The following KTN1 variants were observed in gnomAD, a reference collection of about 807,000 sequenced individuals.
The protein encoded by KTN1 is kinectin.
A neutral mutation model predicts 222.5 loss-of-function variants in KTN1; 130 were observed. The ratio of observed to expected loss-of-function variants is 0.58; its 90% CI spans 0.51 to 0.68. KTN1 has a LOEUF of 0.68. Ranked by LOEUF, KTN1 falls within the 30% of genes least tolerant of loss-of-function variation. The probability of loss-of-function intolerance (pLI) is 0.00; values close to 1 mark genes in which losing one functional copy is unlikely to be tolerated. For missense variants in KTN1, 1,508 were observed against 1,500.4 expected, an observed-to-expected ratio of 1.01 and a Z score of -0.08; for synonymous variants, 512 against 496.3, an observed-to-expected ratio of 1.03 and a Z score of -0.42.
In KTN1 at chr14:55,640,936, G is replaced by A; in HGVS notation, c.1987G>A (p.Ala663Thr). The A allele has an allele frequency of 6.2e-7, 1 of 1,612,080 alleles. No individual in the cohort carries two copies. The highest frequency in any genetic ancestry group is 8.5e-7 in the Non-Finnish European group (1 of 1,178,660). Residue 663 changes from alanine to threonine, a missense_variant, in exon 16 of 44, where the codon GCT becomes ACT. Coordinates refer to ENST00000395314, the MANE Select transcript of KTN1 (RefSeq NM_001079521.2). ...KLQALANEQA[A>T]AAHELEKMQQ... ...TTTCTTCTCATTCCACACACAGGCTGCTGCTGCACATGAATTGGAGAAGAT... is the reference window on the plus strand; with the variant it reads ...TTTCTTCTCATTCCACACACAGGCTACTGCTGCACATGAATTGGAGAAGAT...
chr14:55,609,931 A>T (rs56097264), intron 1 of KTN1, among the ~76,000 whole-genome samples: 1 of 152,168 alleles, frequency 6.6e-6, no homozygotes, highest in Non-Finnish European at 1.5e-5. Context: ...GACGAATCAC[A>T]CTTAATGGAG....
intron 40 of KTN1, chr14:55,673,620 C>CT (rs1023944962): frequency 1.3e-5 from 2 of 159,612 alleles, no homozygotes; most frequent in African/African-American, 4.8e-5. Context: ...TTAATGGGGC[C>CT]TTTTATTTTC....
At chr14:55,617,252 AAGAAG>A (rs1434850114) in intron 3 of KTN1, among the ~76,000 whole-genome samples, 1 of 152,226 alleles carries the variant, frequency 6.6e-6, no homozygotes, top group Non-Finnish European at 1.5e-5. Context: ...TTTTAAATAA[AAGAAG>A]AGACATATAT....
intron 1 of KTN1, among the ~76,000 whole-genome samples, chr14:55,607,090 C>T (rs186114683): frequency 1.2e-4 from 18 of 152,008 alleles, no homozygotes; most frequent in East Asian, 9.6e-4. Context: ...TAATAATTGC[C>T]GCCAGATTTT....
chr14:55,646,383 G>A (rs1038344343), intron 18 of KTN1, among the ~76,000 whole-genome samples: 1 of 151,744 alleles, frequency 6.6e-6, no homozygotes, highest in East Asian at 1.9e-4. Flanking sequence ...AAGAGCCCAT[G>A]TTTGTCTGTC....
chr14:55,633,209 G>A (rs756551903), intron 7 of KTN1, 26 bp from the exon 8 acceptor site: 33 of 1,389,894 alleles, frequency 2.4e-5, no homozygotes, highest in Middle Eastern at 1.8e-4. Context: ...TGTTTTCTAA[G>A]TTTTATGTGT....
rs914502061 is a variant in KTN1, at chr14:55,653,695, A to T, written c.2801+99A>T. On this transcript the variant is annotated intron_variant, in intron 28 of 43. Transcript: ENST00000395314. ...ATGATGAGTTTCCTGTACATCATTA[A>T]CTTTATTGTTAAGTGGAAATTATAA... The T allele has an allele frequency of 8.5e-6, 7 of 819,534 alleles. No homozygotes were observed. In the Admixed American group the frequency reaches 8.9e-5, roughly 10 times the overall value. The allele number at this position is 819,534 out of a possible 1,614,324, so 50.8% of individuals were successfully genotyped here.
chr14:55,642,907 CT>C (rs769637380), intron 18 of KTN1, among the ~76,000 whole-genome samples: 256 of 143,744 alleles, frequency 1.8e-3, no homozygotes, highest in East Asian at 3.6e-3. Flanking sequence ...AAGGCTTATT[CT>C]TTTTTTTTTT....
chr14:55,593,148 G>A (rs2140379278), intron 1 of KTN1, among the ~76,000 whole-genome samples: 1 of 151,946 alleles, frequency 6.6e-6, no homozygotes, highest in East Asian at 1.9e-4. Flanking sequence ...ATAATCACCT[G>A]TTTCAATTCT....
At chr14:55,584,088 A>T (rs1366878454) in intron 1 of KTN1, among the ~76,000 whole-genome samples, 1 of 152,150 alleles carries the variant, frequency 6.6e-6, no homozygotes. Flanking sequence ...CCAACACAAC[A>T]ACTGGATCAT....
intron 33 of KTN1, among the ~76,000 whole-genome samples, 197 bp downstream of exon 33, chr14:55,664,238 T>A (rs1365298498): frequency 1.3e-5 from 2 of 152,198 alleles, no homozygotes; most frequent in Non-Finnish European, 2.9e-5. Context: ...TTGTTGTGAT[T>A]ACCTGATTGT....
intron 20 of KTN1, 133 bp downstream of exon 20, chr14:55,648,248 T>A: frequency 2.3e-6 from 1 of 436,624 alleles, no homozygotes; most frequent in South Asian, 3.3e-5. Flanking sequence ...ATTTATATAA[T>A]GCTTTTTTAA....
chr14:55,637,522 G>A (rs1008510250), intron 11 of KTN1, among the ~76,000 whole-genome samples, 158 bp downstream of exon 11: 10 of 151,736 alleles, frequency 6.6e-5, no homozygotes, highest in African/African-American at 2.4e-4. Flanking sequence ...AATATGGTGT[G>A]TTTGAAGGTG....
chr14:55,608,152 C>T (rs952519246), intron 1 of KTN1, among the ~76,000 whole-genome samples: 33 of 152,228 alleles, frequency 2.2e-4, no homozygotes, highest in African/African-American at 7.9e-4. Flanking sequence ...TTTTGCCTCC[C>T]TGCTTTTAAA....
intron 1 of KTN1, among the ~76,000 whole-genome samples, chr14:55,597,600 T>C (rs1024323415): frequency 2.0e-5 from 3 of 152,186 alleles, no homozygotes; most frequent in Non-Finnish European, 4.4e-5. Context: ...ATACCTGTAA[T>C]CCCAGCACTT....
intron 43 of KTN1, chr14:55,683,477 T>C (rs545974711): frequency 6.6e-6 from 1 of 152,180 alleles, no homozygotes; most frequent in East Asian, 1.9e-4. Context: ...AGTGGTACCA[T>C]TATTACAACC....
chr14:55,644,560 C>CAAT, intron 18 of KTN1: 1 of 320,254 alleles, frequency 3.1e-6, no homozygotes. Context: ...CAGAATAAGA[C>CAAT]TTTTTTTTTT....
intron 32 of KTN1, chr14:55,663,037 A>G: frequency 4.4e-6 from 2 of 450,298 alleles, no homozygotes; most frequent in East Asian, 1.4e-4. Flanking sequence ...TTTTCTGTGT[A>G]TACTTGGCTC....
At chr14:55,612,722 T>C (rs1233325413) in intron 2 of KTN1, 151 bp downstream of exon 2, 1 of 706,452 alleles carries the variant, frequency 1.4e-6, no homozygotes, top group Non-Finnish European at 2.2e-6. Context: ...TTAACATTAA[T>C]TGCTGGTAGA....
Sources: allele counts gnomAD v4.1 joint callset (sites outside exome capture counted in the v4.1 genomes callset), GRCh38; gene constraint gnomAD v4.1.1; transcripts MANE v1.5; gene names NCBI Gene and HGNC (gene_info 2026-07-23, HGNC 2026-07-21).